TRMU: variants seen among roughly 807,000 people sequenced by gnomAD.
TRMU encodes mitochondrial tRNA-specific 2-thiouridylase 1.
In TRMU, 49 loss-of-function variants were observed where a neutral mutation model predicts 46.9. That is an observed-to-expected ratio of 1.05 (90% CI 0.83 to 1.33). The LOEUF (loss-of-function observed/expected upper bound fraction) is 1.33. Ranked by LOEUF, TRMU falls within the 40% of genes most tolerant of loss-of-function variation. TRMU has a pLI of 0.00. For missense variants in TRMU, 572 were observed against 532.4 expected (o/e 1.07, Z -0.73); for synonymous variants, 241 against 200.9 (o/e 1.20, Z -1.69).
At position 46,353,761 on chromosome 22, in the gene TRMU, C is replaced by T. The variant is rs375373378; in HGVS notation, c.773-6C>T. On this transcript the variant is annotated splice_polypyrimidine_tract_variant and splice_region_variant and intron_variant, in intron 7 of 10. Transcript: ENST00000645190. ...CCAGCCTCATGGAGAAACTGTCTTT[C>T]TGTAGGTTGGTTCCTGTATACCTTG... is the stretch of plus-strand genomic sequence containing the variant. 5 of 1,613,292 alleles carry T rather than the reference C, an allele frequency of 3.1e-6. No homozygotes were observed. In the African/African-American group the frequency reaches 6.7e-5, roughly 22 times the overall value.
intron 3 of TRMU, among the ~76,000 whole-genome samples, chr22:46,345,502 A>G (rs1445105065): frequency 2.6e-5 from 4 of 152,256 alleles, no homozygotes; most frequent in African/African-American, 4.8e-5. Context: ...GATGAAAATA[A>G]TACATATTTA....
rs1454803129 is a variant in TRMU, at chr22:46,342,110, G to T, written c.249-1152G>T. Reference sequence around the variant, plus strand: ...TACCATCTACTTGGAGATAGTGCTGGATCCCAAAGGTTGGGGGTTCAGTCC... The same window carrying T: ...TACCATCTACTTGGAGATAGTGCTGTATCCCAAAGGTTGGGGGTTCAGTCC... On this transcript the variant is annotated intron_variant, in intron 2 of 10. Coordinates refer to ENST00000645190, the MANE Select transcript of TRMU (RefSeq NM_018006.5). This position sits in a 1 kb window ranked among gnomAD's most constrained non-coding sequence, Gnocchi z 4.7. Among the ~76,000 whole-genome samples the T allele has an allele frequency of 6.6e-6, 1 of 152,192 alleles. No homozygotes were observed. The highest frequency in any genetic ancestry group is 2.4e-5 in the African/African-American group (1 of 41,428).
At position 46,353,812 on chromosome 22, in the gene TRMU, T is replaced by A; in HGVS notation, c.818T>A (p.Leu273Gln). The change falls in exon 8 of 11, where the codon CTG (leucine) becomes CAG (glutamine). Residue 273 changes from leucine (L) to glutamine (Q), a missense_variant. Leu to Gln is a moderately radical substitution (Grantham distance 113). Transcript: ENST00000645190. Reference sequence around the variant, plus strand: ...GGCCAGAGAGCAAACATAGGTGGCCTGAGAGAGCCCTGGTACGTGGTGGAG... The same window carrying A: ...GGCCAGAGAGCAAACATAGGTGGCCAGAGAGAGCCCTGGTACGTGGTGGAG... ...TLGQRANIGG[L>Q]REPWYVVEKD... 1 of 1,613,954 alleles carries A rather than the reference T, an allele frequency of 6.2e-7. No individual in the cohort carries two copies. Among genetic ancestry groups the A allele is most frequent in the Non-Finnish European group, 8.5e-7 (1 of 1,179,868 alleles).
Position 46,351,782 on chromosome 22 carries a change from C to G in TRMU, c.652-339C>G. On this transcript the variant is annotated intron_variant, in intron 5 of 10. Transcript: ENST00000645190. The surrounding 1 kb of genome is among the most constrained non-coding windows in gnomAD (Gnocchi z 6.4). ...TCAGGCCTGGCTTTCCTGCTACCTG[C>G]CCCTTCTCTGGTCCCTGTCTCTCCC... is the stretch of plus-strand genomic sequence containing the variant. 2.4e-6 allele frequency: 1 copy of G among 419,950 alleles called. No individual in the cohort carries two copies. Among genetic ancestry groups the G allele is most frequent in the Non-Finnish European group, 4.5e-6 (1 of 223,364 alleles). The allele number at this position is 419,950 out of a possible 1,614,324, so 26.0% of individuals were successfully genotyped here. A position where few individuals can be genotyped will look rare whatever the true frequency, so the allele number is the denominator to read the frequency against.
rs1442880243 is a variant in TRMU at position 46,336,446 on chromosome 22, A to G, written c.82+600A>G. The stretch of plus-strand genomic sequence containing the variant: ...AGCATTCCTCGGGCCCGGCGCTGAA[A>G]TGAGCACTTGTTTAACTTCACCTGT... On this transcript the variant is annotated intron_variant, in intron 1 of 10. Coordinates refer to ENST00000645190, the MANE Select transcript of TRMU (RefSeq NM_018006.5). The surrounding 1 kb of genome is among the most constrained non-coding windows in gnomAD (Gnocchi z 4.1). The G allele has an allele frequency of 2.0e-5, 3 of 152,588 alleles. No homozygotes were observed. The highest frequency in any genetic ancestry group is 7.2e-5 in the African/African-American group (3 of 41,572). The allele number at this position is 152,588 out of a possible 1,614,324, so 9.5% of individuals were successfully genotyped here. A position where few individuals can be genotyped will look rare whatever the true frequency, so the allele number is the denominator to read the frequency against.
rs1233314329 is a variant in TRMU, at chr22:46,351,830, C to T, written c.652-291C>T. The T allele has an allele frequency of 3.9e-6, 2 of 512,810 alleles. No individual in the cohort carries two copies. The highest frequency in any genetic ancestry group is 3.7e-5 in the East Asian group (1 of 27,300). 31.8% of individuals were successfully genotyped at this position (512,810 alleles called of 1,614,324 possible). ...CCCCCACTCCTCGCAGGACAGTGGC[C>T]TGAAGGACCTGACCGGGTTCTGCTT... On this transcript the variant is annotated intron_variant, in intron 5 of 10. Coordinates refer to ENST00000645190, the MANE Select transcript of TRMU (RefSeq NM_018006.5). This position sits in a 1 kb window ranked among gnomAD's most constrained non-coding sequence, Gnocchi z 6.4.
At position 46,351,899 on chromosome 22, in the gene TRMU, A is replaced by G; in HGVS notation, c.652-222A>G. 1 of 665,908 alleles carries G rather than the reference A, an allele frequency of 1.5e-6. No homozygotes were observed. Among genetic ancestry groups the G allele is most frequent in the Non-Finnish European group, 2.7e-6 (1 of 369,770 alleles). 41.2% of individuals were successfully genotyped at this position (665,908 alleles called of 1,614,324 possible). ...GTGTGAGGGTCTCCCGCGCAGGGTC[A>G]GACCCCGCGGGCCGAGACAATGAGG... On this transcript the variant is annotated intron_variant, in intron 5 of 10. Coordinates refer to ENST00000645190, the MANE Select transcript of TRMU (RefSeq NM_018006.5). The surrounding 1 kb of genome is among the most constrained non-coding windows in gnomAD (Gnocchi z 6.4).
chr22:46,336,079 C>G lies in TRMU; in HGVS notation c.82+233C>G. 1 of 1,377,880 alleles carries G rather than the reference C, an allele frequency of 7.3e-7. No homozygotes were observed. The highest frequency in any genetic ancestry group is 9.3e-7 in the Non-Finnish European group (1 of 1,069,714). 85.4% of individuals were successfully genotyped at this position (1,377,880 alleles called of 1,614,324 possible). On this transcript the variant is annotated intron_variant, in intron 1 of 10. Transcript: ENST00000645190. This position sits in a 1 kb window ranked among gnomAD's most constrained non-coding sequence, Gnocchi z 4.1. ...GACTACCTGGGAGCAGTTCCGCGCCCCTCTCCACCCACGCGCGCCCACCCA... is the reference window on the plus strand; with the variant it reads ...GACTACCTGGGAGCAGTTCCGCGCCGCTCTCCACCCACGCGCGCCCACCCA...
rs896181125 is a variant in TRMU, at chr22:46,337,724, C to T, written c.83-55C>T. 2.9e-5 allele frequency: 46 copies of T among 1,605,900 alleles called. No homozygotes were observed. In the South Asian group the frequency reaches 3.8e-4, roughly 13 times the overall value. On this transcript the variant is annotated intron_variant, in intron 1 of 10. Coordinates refer to ENST00000645190, the MANE Select transcript of TRMU (RefSeq NM_018006.5). Reference sequence around the variant, plus strand: ...CTTCTCAGAGCTCAGAAATCACTGCCGTTTTACCGAAGGTTGATTTATGTA... The same window carrying T: ...CTTCTCAGAGCTCAGAAATCACTGCTGTTTTACCGAAGGTTGATTTATGTA...
In TRMU at chr22:46,346,453, A is replaced by G. The variant is rs144586525; in HGVS notation, c.387A>G (p.Ala129=). The change falls in exon 4 of 11, where the codon GCA becomes GCG. Residue 129 remains alanine, a synonymous_variant. Transcript: ENST00000645190. ...GADAIATGHY[A]RTSLEDEEVF... ...ATGCCATTGCCACAGGTCACTATGC[A>G]AGAACTTCCCTGGAAGATGAAGAAG... 6.5e-3 allele frequency: 10,569 copies of G among 1,613,662 alleles called. 52 individuals carry two copies. The highest frequency in any genetic ancestry group is 8.1e-3 in the Non-Finnish European group (9,572 of 1,179,632).
At chr22:46,337,724 CGTTTTACCGAA>C in intron 1 of TRMU, 44 bp from the exon 2 acceptor site, 1 of 1,606,018 alleles carries the variant, frequency 6.2e-7, no homozygotes, top group African/African-American at 1.3e-5. Flanking sequence ...AAATCACTGC[CGTTTTACCGAA>C]GGTTGATTTA....
At position 46,345,467 on chromosome 22, in the gene TRMU, A is replaced by G. The variant is rs551852621; in HGVS notation, c.356-955A>G. 1.3e-3 allele frequency among the ~76,000 whole-genome samples: 200 copies of G among 152,352 alleles called. 1 individual carries two copies. The highest frequency in any genetic ancestry group is 4.5e-3 in the African/African-American group (187 of 41,580). On this transcript the variant is annotated intron_variant, in intron 3 of 10. Transcript: ENST00000645190. ...TTTGTGTAATATGAAAAGAAGAAAC[A>G]GTGTGCTGGATGATTCTTCACTCTG...
At chr22:46,355,899 C>T (rs745686373) in intron 9 of TRMU, 91 bp from the exon 10 acceptor site, 72 of 1,442,864 alleles carry the variant, frequency 5.0e-5, no homozygotes, top group Admixed American at 9.0e-5. Context: ...GGGTTTTTGA[C>T]CCCGTGGGCT....
At position 46,337,985 on chromosome 22, in the gene TRMU, G is replaced by A. The variant is rs1389350473; in HGVS notation, c.248+41G>A. On this transcript the variant is annotated intron_variant, in intron 2 of 10. Coordinates refer to ENST00000645190, the MANE Select transcript of TRMU (RefSeq NM_018006.5). ...AGCACAAAGGAAGCTTCCTCACACT[G>A]TGGATCCTTGCAGTGGAAGGATCCG... 2.5e-6 allele frequency: 4 copies of A among 1,613,090 alleles called. No homozygotes were observed. The East Asian group carries it at 6.7e-5, about 27-fold the overall frequency.
chr22:46,356,084 G>A lies in TRMU; in HGVS notation c.1101+12G>A. The stretch of plus-strand genomic sequence containing the variant: ...TTGCCACAGGACAGGTGCGTGGGGT[G>A]TGGGGGTGAGCCCGGGGAGGACTGT... On this transcript the variant is annotated intron_variant, in intron 10 of 10. Transcript: ENST00000645190. 1.2e-6 allele frequency: 2 copies of A among 1,613,822 alleles called. No individual in the cohort carries two copies. Among genetic ancestry groups the A allele is most frequent in the Non-Finnish European group, 1.7e-6 (2 of 1,179,936 alleles).
chr22:46,344,947 G>T (rs1569069465), intron 3 of TRMU, among the ~76,000 whole-genome samples: 7 of 152,184 alleles, frequency 4.6e-5, no homozygotes, highest in Non-Finnish European at 1.0e-4. Context: ...CTGTTTACAT[G>T]GAGCTAGTGT....
chr22:46,356,285 C>T (rs2078605959), intron 10 of TRMU: 3 of 589,286 alleles, frequency 5.1e-6, no homozygotes, highest in Non-Finnish European at 9.1e-6. Flanking sequence ...ACCAACCAGC[C>T]AGTTCCTGCT....
At chr22:46,355,849 C>T (rs2078588351) in intron 9 of TRMU, 141 bp from the exon 10 acceptor site, 1 of 1,086,894 alleles carries the variant, frequency 9.2e-7, no homozygotes. Flanking sequence ...CTGCTGCGTC[C>T]AGGGCCCAGG....
In TRMU at chr22:46,347,192, C is replaced by T. The variant is rs144259159; in HGVS notation, c.478+648C>T. Among the ~76,000 whole-genome samples the T allele has an allele frequency of 6.5e-4, 99 of 152,070 alleles. No homozygotes were observed. The highest frequency in any genetic ancestry group is 2.2e-3 in the African/African-American group (90 of 41,434). On this transcript the variant is annotated intron_variant, in intron 4 of 10. Coordinates refer to ENST00000645190, the MANE Select transcript of TRMU (RefSeq NM_018006.5). The surrounding 1 kb of genome is among the most constrained non-coding windows in gnomAD (Gnocchi z 5.0). Reference sequence around the variant, plus strand: ...TGGGGCTCAGAGCCGTGTTTCCGCACGGAGCGTCCGTCCATCAGTGGGGAC... The same window carrying T: ...TGGGGCTCAGAGCCGTGTTTCCGCATGGAGCGTCCGTCCATCAGTGGGGAC...
Sources: gnomAD v4.1 joint callset for allele counts (sites outside exome capture counted in the v4.1 genomes callset) on GRCh38, gnomAD v4.1.1 for gene constraint, Gnocchi (gnomAD v3.1) non-coding constraint, MANE v1.5 for transcripts, NCBI Gene and HGNC (gene_info 2026-07-23, HGNC 2026-07-21) for gene names.